The following KCP variants were observed in gnomAD, a reference collection of about 807,000 sequenced individuals.
KCP encodes kielin cysteine rich BMP regulator, also known as kielin/chordin-like protein.
KCP carries 194 observed loss-of-function variants against 212.7 expected under a neutral mutation model. The observed-to-expected ratio is 0.91, with a 90% CI of 0.81 to 1.03. The LOEUF (loss-of-function observed/expected upper bound fraction) is 1.03, where lower values mean the gene tolerates loss of function less well. Ranked by LOEUF, KCP falls within the 50% of genes least tolerant of loss-of-function variation. The pLI is 0.00. For synonymous variants in KCP, 833 were observed against 865.3 expected (o/e 0.96, Z 0.65); for missense variants, 2,080 against 2,162.5 (o/e 0.96, Z 0.76).
Position 128,884,142 on chromosome 7 carries a change from G to C in KCP, c.3124-20C>G, listed in dbSNP as rs934482731. 16 of 1,538,034 alleles carry C rather than the reference G, an allele frequency of 1.0e-5. No individual in the cohort carries two copies. The highest frequency in any genetic ancestry group is 8.2e-5 in the Admixed American group (4 of 48,956). On this transcript the variant is annotated intron_variant, in intron 28 of 39. Coordinates refer to ENST00000610776, the MANE Select transcript of KCP (RefSeq NM_001366122.1). ...CTGTGGCTACAAGAATGAGTGAGCA[G>C]CGGTGGGTCCTGGGCCACAAAAACC...
Position 128,893,877 on chromosome 7 carries a change from G to C in KCP, c.1028C>G (p.Pro343Arg). The C allele has an allele frequency of 6.4e-7, 1 of 1,551,204 alleles. No individual in the cohort carries two copies. Among genetic ancestry groups the C allele is most frequent in the South Asian group, 1.2e-5 (1 of 84,054 alleles). Reference protein sequence around the residue: ...RCANGSVQCEPLPCPPVPCRH... With the variant: ...RCANGSVQCERLPCPPVPCRH... ...GCAGGGCACTGGCGGGCAGGGCAGAGGCTCACACTGGACACTCCCATTCTG... is the reference window on the plus strand; with the variant it reads ...GCAGGGCACTGGCGGGCAGGGCAGACGCTCACACTGGACACTCCCATTCTG... Residue 343 changes from proline to arginine, a missense_variant, in exon 11 of 40, where the codon CCT (proline) becomes CGT (arginine). By Grantham distance (103) the Pro-to-Arg change is moderately radical. Coordinates refer to ENST00000610776, the MANE Select transcript of KCP (RefSeq NM_001366122.1).
chr7:128,882,067 G>C, intron 29 of KCP, 51 bp from the exon 30 acceptor site: 1 of 1,399,312 alleles, frequency 7.1e-7, no homozygotes, highest in Admixed American at 2.0e-5. Context: ...GCACAGGGCT[G>C]GAAATCCCAG....
intron 36 of KCP, 23 bp from the exon 37 acceptor site, chr7:128,879,646 G>A (rs1236558602): frequency 5.2e-6 from 8 of 1,549,418 alleles, no homozygotes; most frequent in Admixed American, 2.0e-5. Flanking sequence ...GGAGGTGGGA[G>A]GAGGGGTGAT....
At chr7:128,904,214 C>A in intron 5 of KCP, 76 bp from the exon 6 acceptor site, 5 of 1,527,394 alleles carry the variant, frequency 3.3e-6, no homozygotes, top group Non-Finnish European at 4.4e-6. Context: ...TAAGGCATGA[C>A]CCCAAGTAGG....
chr7:128,886,403 T>G (rs180856126), intron 26 of KCP, 61 bp downstream of exon 26: 4 of 1,365,860 alleles, frequency 2.9e-6, no homozygotes, highest in South Asian at 1.4e-5. Context: ...GGAGGTGGGG[T>G]GGACAGAGGG....
At chr7:128,882,042 G>T in intron 29 of KCP, 26 bp from the exon 30 acceptor site, 1 of 1,527,298 alleles carries the variant, frequency 6.5e-7, no homozygotes, top group Non-Finnish European at 8.9e-7. Flanking sequence ...TCCAGAGTGC[G>T]GGACAGAAAG....
At chr7:128,883,932 G>C in intron 29 of KCP, 70 bp downstream of exon 29, 1 of 1,493,906 alleles carries the variant, frequency 6.7e-7, no homozygotes, top group Non-Finnish European at 8.9e-7. Flanking sequence ...GCTGGGACTG[G>C]TGAGGAAGGG....
chr7:128,884,653 C>A, intron 28 of KCP, 128 bp downstream of exon 28: 1 of 856,408 alleles, frequency 1.2e-6, no homozygotes, highest in Non-Finnish European at 1.8e-6. Flanking sequence ...CTCCTGGCCA[C>A]AGGGATACAC....
chr7:128,881,460 A>C (rs1442880886), intron 31 of KCP, among the ~76,000 whole-genome samples, 166 bp downstream of exon 31: 1 of 151,888 alleles, frequency 6.6e-6, no homozygotes, highest in Non-Finnish European at 1.5e-5. Flanking sequence ...TCTCTTCTCC[A>C]CCTCAAGAAC....
rs369559379 is a variant in KCP at position 128,899,196 on chromosome 7, CTT to C, written c.831+3579_831+3580del. ...AGAAACTCCTATAATGCTGATATGACTTAGTGTATGTTATTAATAATTATAAT... is the reference window on the plus strand; with the variant it reads ...AGAAACTCCTATAATGCTGATATGACAGTGTATGTTATTAATAATTATAAT... On this transcript the variant is annotated intron_variant, in intron 8 of 39. Coordinates refer to ENST00000610776, the MANE Select transcript of KCP (RefSeq NM_001366122.1). Among the ~76,000 whole-genome samples the C allele has an allele frequency of 3.5e-3, 535 of 151,880 alleles. 5 individuals carry two copies. The highest frequency in any genetic ancestry group is 0.012 in the African/African-American group (512 of 41,398).
chr7:128,878,860 T>G, intron 37 of KCP, 138 bp from the exon 38 acceptor site: 1 of 880,104 alleles, frequency 1.1e-6, no homozygotes, highest in Non-Finnish European at 1.7e-6. Flanking sequence ...GAGGCTCCCC[T>G]TGGAAGAAAC....
intron 16 of KCP, 58 bp downstream of exon 16, chr7:128,892,456 T>C: frequency 7.8e-7 from 1 of 1,280,682 alleles, no homozygotes; most frequent in Non-Finnish European, 1.1e-6. Context: ...CCCATGGGGC[T>C]GTGGGACAGC....
chr7:128,878,480 C>T (rs1793120833), intron 38 of KCP, 78 bp downstream of exon 38: 1 of 1,439,240 alleles, frequency 6.9e-7, no homozygotes, highest in Non-Finnish European at 9.3e-7. Flanking sequence ...CCCTGCTTTC[C>T]ATGCCAGAGG....
intron 8 of KCP, 22 bp from the exon 9 acceptor site, chr7:128,894,315 G>C: frequency 4.0e-6 from 6 of 1,505,750 alleles, no homozygotes; most frequent in Non-Finnish European, 5.4e-6. Flanking sequence ...AATGAACAGG[G>C]GAAGGGGCCG....
intron 7 of KCP, chr7:128,903,444 G>A (rs759673923): frequency 3.9e-5 from 20 of 511,436 alleles, no homozygotes; most frequent in Non-Finnish European, 5.6e-5. Flanking sequence ...TCATCCCTGA[G>A]GGCTGACCCC....
chr7:128,891,857 G>T (rs767684248), intron 16 of KCP, 38 bp from the exon 17 acceptor site: 4 of 1,390,360 alleles, frequency 2.9e-6, no homozygotes, highest in East Asian at 2.6e-5. Context: ...TGAGGGCAAA[G>T]CCTGACAGTC....
At chr7:128,888,004 TACAC>T (rs1458280601) in intron 22 of KCP, among the ~76,000 whole-genome samples, 4 of 71,676 alleles carry the variant, frequency 5.6e-5, no homozygotes, top group East Asian at 4.7e-4. Context: ...CCCCCCCACA[TACAC>T]ACCCACACAC....
intron 22 of KCP, among the ~76,000 whole-genome samples, chr7:128,887,676 CACACACAT>C (rs905451124): frequency 2.0e-5 from 3 of 150,030 alleles, no homozygotes; most frequent in Non-Finnish European, 3.0e-5. Context: ...TACAGCCACA[CACACACAT>C]ACACACATAT....
chr7:128,909,112 GA>G (rs1317053703), intron 1 of KCP, among the ~76,000 whole-genome samples: 2 of 152,202 alleles, frequency 1.3e-5, no homozygotes, highest in Non-Finnish European at 2.9e-5. Context: ...CTATGTCCAG[GA>G]AAGAGGGACG....
Sources: gnomAD v4.1 joint callset for allele counts (sites outside exome capture counted in the v4.1 genomes callset) on GRCh38, gnomAD v4.1.1 for gene constraint, MANE v1.5 for transcripts, NCBI Gene and HGNC (gene_info 2026-07-23, HGNC 2026-07-21) for gene names.